The following PCGF3 variants were observed in gnomAD, a reference collection of about 807,000 sequenced individuals.
PCGF3 encodes polycomb group RING finger protein 3.
Under a neutral mutation model 33.1 loss-of-function variants are expected in PCGF3, and 7 were observed. The ratio of observed to expected loss-of-function variants is 0.21; its 90% confidence interval spans 0.12 to 0.40. The LOEUF (loss-of-function observed/expected upper bound fraction) is 0.40. PCGF3 is among the 10% of genes least tolerant of loss of function. The pLI, the probability that PCGF3 is intolerant of heterozygous loss-of-function variation, is 1.00. For missense variants in PCGF3, 211 were observed against 313.3 expected (o/e 0.67, Z 2.46); for synonymous variants, 153 against 121.3 (o/e 1.26, Z -1.72).
At chr4:766,386 T>G in exon 11 of PCGF3, 1 of 278,020 alleles carries the variant, frequency 3.6e-6, no homozygotes, top group Non-Finnish European at 6.7e-6. Flanking sequence ...TGACACGAGC[T>G]CCCTCTGCTT....
At position 719,800 on chromosome 4, in the gene PCGF3, C is replaced by T. The variant is rs1198982929; in HGVS notation, c.-189-10830C>T. Among the ~76,000 whole-genome samples, 5 of 152,254 alleles carry T rather than the reference C, an allele frequency of 3.3e-5. No homozygotes were observed. The East Asian group carries it at 9.7e-4, about 29-fold the overall frequency. ...GAGGCATCCGGTGGTCTGGCTGGGCCTCATCCGTGTCCTGCCGCTGCTGCA... is the reference window on the plus strand; with the variant it reads ...GAGGCATCCGGTGGTCTGGCTGGGCTTCATCCGTGTCCTGCCGCTGCTGCA... On this transcript the variant is annotated intron_variant, in intron 1 of 10. Transcript: ENST00000362003.
At chr4:767,112 G>C (rs1385422761) in exon 11 of PCGF3, 1 of 152,266 alleles carries the variant, frequency 6.6e-6, no homozygotes, top group Non-Finnish European at 1.5e-5. Flanking sequence ...TGTGCTCCTT[G>C]GCCGCTTACT....
chr4:707,666 G>A (rs1352115789), intron 1 of PCGF3, among the ~76,000 whole-genome samples: 2 of 133,036 alleles, frequency 1.5e-5, no homozygotes, highest in African/African-American at 5.6e-5. Flanking sequence ...CCTGGGGGTC[G>A]GGACCCTGGG....
At chr4:766,405 G>A (rs1439404441) in exon 11 of PCGF3, 1 of 239,856 alleles carries the variant, frequency 4.2e-6, no homozygotes, top group Non-Finnish European at 8.0e-6. Context: ...TTGCTTTCCA[G>A]GTCTTGAAAA....
Position 720,190 on chromosome 4 carries a change from C to G in PCGF3, c.-189-10440C>G, listed in dbSNP as rs1743014981. 6.6e-6 allele frequency among the ~76,000 whole-genome samples: 1 copy of G among 152,204 alleles called. No homozygotes were observed. Among genetic ancestry groups the G allele is most frequent in the Non-Finnish European group, 1.5e-5 (1 of 68,042 alleles). The stretch of plus-strand genomic sequence containing the variant: ...ATGTGGCCCTGCTGCCGGAGTATGC[C>G]AAGCACGAGGGGCCAGGTGGCACAC... On this transcript the variant is annotated intron_variant, in intron 1 of 10. Coordinates refer to ENST00000362003, the Ensembl canonical transcript of PCGF3. This position sits in a 1 kb window ranked among gnomAD's most constrained non-coding sequence, Gnocchi z 5.6.
intron 9 of PCGF3, among the ~76,000 whole-genome samples, chr4:763,147 A>G (rs1311484993): frequency 1.3e-5 from 2 of 152,100 alleles, no homozygotes; most frequent in African/African-American, 2.4e-5. Context: ...CACGGGGGGA[A>G]GGGAGAGAAG....
At chr4:728,602 G>A (rs527724653) in intron 1 of PCGF3, among the ~76,000 whole-genome samples, 1 of 152,316 alleles carries the variant, frequency 6.6e-6, no homozygotes, top group South Asian at 2.1e-4. Context: ...GATACCAAGG[G>A]ATGGCTGTGT....
chr4:735,862 G>T (rs1053482653), intron 5 of PCGF3, among the ~76,000 whole-genome samples: 3 of 152,166 alleles, frequency 2.0e-5, no homozygotes, highest in Non-Finnish European at 4.4e-5. Flanking sequence ...GAGGCCAAGG[G>T]GCCAGCCAGG....
chr4:715,339 G>A lies in PCGF3; in HGVS notation c.-190+9369G>A, dbSNP rs549295432. On this transcript the variant is annotated intron_variant, in intron 1 of 10. Transcript: ENST00000362003. The stretch of plus-strand genomic sequence containing the variant: ...TGTAGACACTGAGTGTGAGAACTGG[G>A]CGTCGGTGCTGGGACCTTGTAGACA... Among the ~76,000 whole-genome samples, 8 of 144,334 alleles carry A rather than the reference G, an allele frequency of 5.5e-5. No homozygotes were observed. The South Asian group carries it at 1.6e-3, about 29-fold the overall frequency. The allele number at this position is 144,334 out of a possible 152,430, so 94.7% of individuals were successfully genotyped here. A position where few individuals can be genotyped will look rare whatever the true frequency, so the allele number is the denominator to read the frequency against.
chr4:764,832 AG>A (rs772254005), intron 9 of PCGF3, 151 bp from the exon 10 acceptor site: 30 of 608,242 alleles, frequency 4.9e-5, no homozygotes, highest in Middle Eastern at 4.4e-4. Flanking sequence ...GTAGGGATGG[AG>A]GAATACATGA....
chr4:737,357 C>A, intron 5 of PCGF3, 109 bp from the exon 6 acceptor site: 2 of 746,628 alleles, frequency 2.7e-6, no homozygotes, highest in Non-Finnish European at 4.6e-6. Flanking sequence ...AAAATTCCAA[C>A]AAAGCTCCAG....
chr4:761,205 T>C, intron 8 of PCGF3, 74 bp from the exon 9 acceptor site: 4 of 1,293,668 alleles, frequency 3.1e-6, no homozygotes, highest in Non-Finnish European at 4.2e-6. Flanking sequence ...ATTAGTGAAA[T>C]ATGTCTAAGG....
intron 3 of PCGF3, among the ~76,000 whole-genome samples, chr4:733,402 A>AGG (rs1743699361): frequency 6.6e-6 from 1 of 152,114 alleles, no homozygotes; most frequent in African/African-American, 2.4e-5. Context: ...TCACTGCAGG[A>AGG]GGAGAGGAGG....
exon 11 of PCGF3, chr4:769,067 G>C (rs1745506517): frequency 1.3e-5 from 2 of 152,664 alleles, no homozygotes; most frequent in Non-Finnish European, 2.9e-5. Context: ...TTGTGTGTGA[G>C]TGCCCGTCAG....
intron 1 of PCGF3, chr4:722,552 ACACT>A (rs1298168817): frequency 3.5e-6 from 1 of 289,346 alleles, no homozygotes; most frequent in Non-Finnish European, 6.6e-6. Context: ...CGCCGGGTCC[ACACT>A]CAGTCATCGC....
At chr4:712,300 G>A (rs2109514383) in intron 1 of PCGF3, among the ~76,000 whole-genome samples, 2 of 152,302 alleles carry the variant, frequency 1.3e-5, no homozygotes, top group East Asian at 3.9e-4. Context: ...GTGCATTTTT[G>A]TAGAATTATC....
At chr4:755,903 CCTT>C (rs1228561536) in intron 8 of PCGF3, among the ~76,000 whole-genome samples, 15 of 120,552 alleles carry the variant, frequency 1.2e-4, no homozygotes, top group Non-Finnish European at 8.5e-5. Flanking sequence ...TCAGAATTGT[CCTT>C]TTTTTTTTTT....
chr4:728,810 G>A (rs1743433103), intron 1 of PCGF3, among the ~76,000 whole-genome samples: 2 of 152,080 alleles, frequency 1.3e-5, no homozygotes, highest in African/African-American at 2.4e-5. Context: ...TTAAAAATTC[G>A]TTCGGTTGGC....
At chr4:731,029 C>T (rs1743531472) in exon 3 of PCGF3, 2 of 398,608 alleles carry the variant, frequency 5.0e-6, no homozygotes, top group Non-Finnish European at 8.9e-6. Context: ...CGTGCGGAGC[C>T]AGGAGGCAGC....
Sources: gnomAD v4.1 joint callset for allele counts (sites outside exome capture counted in the v4.1 genomes callset) on GRCh38, gnomAD v4.1.1 for gene constraint, Gnocchi (gnomAD v3.1) non-coding constraint, MANE v1.5 for transcripts, NCBI Gene and HGNC (gene_info 2026-07-23, HGNC 2026-07-21) for gene names.